ZPR1: variants seen among roughly 807,000 people sequenced by gnomAD.
The protein encoded by ZPR1 is zinc finger protein ZPR1.
In ZPR1, 37 loss-of-function variants were observed where a neutral mutation model predicts 59.6. That is an observed-to-expected ratio of 0.62 (90% CI 0.48 to 0.82). The LOEUF (loss-of-function observed/expected upper bound fraction) is 0.82, where lower values mean the gene tolerates loss of function less well. Among genes scored for constraint, ZPR1 ranks in the 40% least tolerant of loss-of-function variants. ZPR1 has a pLI of 0.00. For synonymous variants in ZPR1, 191 were observed against 215.2 expected (o/e 0.89, Z 0.99); for missense variants, 527 against 579.9 (o/e 0.91, Z 0.94).
At chr11:116,782,415 A>G (rs376410471) in intron 11 of ZPR1, among the ~76,000 whole-genome samples, 171 bp from the exon 12 acceptor site, 4 of 152,328 alleles carry the variant, frequency 2.6e-5, no homozygotes, top group Admixed American at 1.3e-4. Flanking sequence ...CTATGGGATA[A>G]TGTGCCAAGA....
chr11:116,787,420 T>A, intron 2 of ZPR1, 62 bp downstream of exon 2: 1 of 1,552,940 alleles, frequency 6.4e-7, no homozygotes, highest in Non-Finnish European at 8.8e-7. Context: ...GGACCAGAGC[T>A]CTGACCCCAG....
chr11:116,782,022 AAAAAG>A (rs1940814017), intron 12 of ZPR1, 131 bp downstream of exon 12: 15 of 680,372 alleles, frequency 2.2e-5, no homozygotes, highest in Admixed American at 1.9e-4. Flanking sequence ...CAAAAAAAAA[AAAAAG>A]AAAAGAAAAC....
chr11:116,785,720 C>A (rs1357769329), intron 5 of ZPR1, 76 bp downstream of exon 5: 1 of 1,612,466 alleles, frequency 6.2e-7, no homozygotes, highest in Non-Finnish European at 8.5e-7. Flanking sequence ...ACGCAGGCAT[C>A]ACAGTGGAAA....
intron 9 of ZPR1, among the ~76,000 whole-genome samples, chr11:116,784,101 T>G (rs941457371): frequency 1.2e-4 from 18 of 152,328 alleles, no homozygotes; most frequent in African/African-American, 4.3e-4. Context: ...TCTGCCTCCC[T>G]GAACTTCCAC....
In ZPR1 at chr11:116,783,464, C is replaced by T; in HGVS notation, c.981+66G>A. ...GAACATTATTTCTAAAAGACAACTT[C>T]CCCTAGATAGAGACAGTTTATCTAA... On this transcript the variant is annotated intron_variant, in intron 10 of 13. Coordinates refer to ENST00000227322, the MANE Select transcript of ZPR1 (RefSeq NM_003904.5). 7 of 1,386,524 alleles carry T rather than the reference C, an allele frequency of 5.0e-6. 1 individual carries two copies. The Middle Eastern group carries it at 7.1e-4, about 141-fold the overall frequency. 85.9% of individuals were successfully genotyped at this position (1,386,524 alleles called of 1,614,324 possible).
chr11:116,787,714 C>G, intron 1 of ZPR1, 71 bp from the exon 2 acceptor site: 1 of 1,549,742 alleles, frequency 6.5e-7, no homozygotes, highest in Non-Finnish European at 8.7e-7. Flanking sequence ...TATCTCCGGG[C>G]GCTCCTCGGG....
At chr11:116,779,270 C>A (rs1405379588) in intron 13 of ZPR1, among the ~76,000 whole-genome samples, 6 of 152,214 alleles carry the variant, frequency 3.9e-5, no homozygotes, top group Admixed American at 3.9e-4. Context: ...AATCAGGGAA[C>A]AATCCACCTA....
intron 9 of ZPR1, among the ~76,000 whole-genome samples, chr11:116,784,148 A>G (rs764587628): frequency 2.0e-5 from 3 of 152,128 alleles, no homozygotes; most frequent in Non-Finnish European, 4.4e-5. Context: ...TCTCTCTTCC[A>G]TATCATCAAC....
intron 7 of ZPR1, 71 bp downstream of exon 7, chr11:116,785,028 A>ACC: frequency 2.5e-6 from 4 of 1,609,310 alleles, no homozygotes; most frequent in Non-Finnish European, 3.4e-6. Flanking sequence ...GACAAGGAAG[A>ACC]CAGATGCTGA....
At chr11:116,782,461 T>C (rs1352199723) in intron 11 of ZPR1, among the ~76,000 whole-genome samples, 1 of 152,124 alleles carries the variant, frequency 6.6e-6, no homozygotes, top group Non-Finnish European at 1.5e-5. Flanking sequence ...AATCGAAACA[T>C]GTTCTTAGAA....
chr11:116,783,403 T>C, intron 10 of ZPR1, 127 bp downstream of exon 10: 2 of 807,538 alleles, frequency 2.5e-6, no homozygotes, highest in Middle Eastern at 2.3e-4. Flanking sequence ...TCAGGGGTCC[T>C]CAAAGCCAGG....
intron 12 of ZPR1, 143 bp downstream of exon 12, chr11:116,782,012 CAAA>C (rs372842114): frequency 2.0e-3 from 986 of 499,656 alleles, no homozygotes; most frequent in South Asian, 4.5e-3. Flanking sequence ...ACTCTGTCTC[CAAA>C]AAAAAAAAAA....
At chr11:116,783,775 C>T (rs1398307361) in intron 9 of ZPR1, among the ~76,000 whole-genome samples, 156 bp from the exon 10 acceptor site, 1 of 150,694 alleles carries the variant, frequency 6.6e-6, no homozygotes, top group East Asian at 2.0e-4. Context: ...AAACCAAAAA[C>T]ACCAAGAGCT....
rs1466729573 is a variant in ZPR1, at chr11:116,787,641, G to A, written c.174C>T (p.Gly58=). ...ESLCMNCYCN[G]MTRLLLTKIP... is the part of the protein sequence containing the mutation. ...TCTTGGTGAGCAGGAGGCGCGTCAT[G>A]CCCTGGTGAAGTAGAAAGTAGCTAA... The change falls in exon 2 of 14, where the codon GGC becomes GGT. Residue 58 remains glycine (G), a splice_region_variant and synonymous_variant. Transcript: ENST00000227322. 2 of 1,609,474 alleles carry A rather than the reference G, an allele frequency of 1.2e-6. No individual in the cohort carries two copies. The highest frequency in any genetic ancestry group is 1.7e-6 in the Non-Finnish European group (2 of 1,176,140).
At chr11:116,781,707 G>A (rs6589566) in intron 12 of ZPR1, among the ~76,000 whole-genome samples, 141,445 of 152,268 alleles carry the variant, frequency 0.93, 65,948 homozygotes, top group African/African-American at 0.98. Context: ...GAAAGAAGAC[G>A]TGGAATATAG....
chr11:116,781,068 A>G (rs540225807), intron 12 of ZPR1, among the ~76,000 whole-genome samples: 1 of 152,240 alleles, frequency 6.6e-6, no homozygotes, highest in Non-Finnish European at 1.5e-5. Context: ...CCTCAATTGA[A>G]GGGTTGGAAA....
chr11:116,782,025 AAG>A, intron 12 of ZPR1, 131 bp downstream of exon 12: 4 of 675,488 alleles, frequency 5.9e-6, no homozygotes, highest in South Asian at 2.2e-5. Flanking sequence ...AAAAAAAAAA[AAG>A]AAAAGAAAAC....
At chr11:116,787,302 A>G in intron 2 of ZPR1, 180 bp downstream of exon 2, 1 of 713,676 alleles carries the variant, frequency 1.4e-6, no homozygotes, top group Non-Finnish European at 2.3e-6. Flanking sequence ...TTTACAAAGC[A>G]TTTTCACAAA....
intron 4 of ZPR1, 82 bp from the exon 5 acceptor site, chr11:116,785,964 T>C: frequency 1.7e-6 from 2 of 1,196,114 alleles, no homozygotes. Context: ...TTACTTCCAT[T>C]AGGAAGTCAC....
Sources: allele counts gnomAD v4.1 joint callset (sites outside exome capture counted in the v4.1 genomes callset), GRCh38; gene constraint gnomAD v4.1.1; transcripts MANE v1.5; gene names NCBI Gene and HGNC (gene_info 2026-07-23, HGNC 2026-07-21).